Variants in LSAMP observed in about 807,000 individuals in gnomAD.
LSAMP encodes limbic system associated membrane protein.
LSAMP carries 7 observed loss-of-function variants against 38.6 expected under a neutral mutation model. The ratio of observed to expected loss-of-function variants is 0.18; its 90% confidence interval spans 0.10 to 0.34. LSAMP has a LOEUF of 0.34. LSAMP is among the 10% of genes least tolerant of loss of function. The pLI, the probability that LSAMP is intolerant of heterozygous loss-of-function variation, is 1.00. For missense variants in LSAMP, 313 were observed against 420.0 expected (o/e 0.75, Z 2.23); for synonymous variants, 154 against 166.8 (o/e 0.92, Z 0.59).
At chr3:115,961,431 A>G (rs1938622329) in intron 3 of LSAMP, among the ~76,000 whole-genome samples, 1 of 152,204 alleles carries the variant, frequency 6.6e-6, no homozygotes, top group Non-Finnish European at 1.5e-5. Context: ...AGCAAGAAGC[A>G]CGAAGAAAAG....
At chr3:116,112,815 C>G (rs924709941) in intron 1 of LSAMP, among the ~76,000 whole-genome samples, 1 of 152,194 alleles carries the variant, frequency 6.6e-6, no homozygotes, top group African/African-American at 2.4e-5. Context: ...CTACCCTACC[C>G]AACAATACTG....
chr3:116,252,555 C>T (rs962101797), intron 1 of LSAMP, among the ~76,000 whole-genome samples: 2 of 152,162 alleles, frequency 1.3e-5, no homozygotes, highest in Middle Eastern at 3.4e-3. Flanking sequence ...ACACTATCAG[C>T]GTGATGATGG....
At chr3:116,437,788 A>T (rs554791384) in intron 1 of LSAMP, among the ~76,000 whole-genome samples, 1 of 152,332 alleles carries the variant, frequency 6.6e-6, no homozygotes, top group South Asian at 2.1e-4. Context: ...CAAAAAGGTA[A>T]TCTCAGTGGT....
intron 1 of LSAMP, among the ~76,000 whole-genome samples, chr3:116,276,826 C>T (rs2047060802): frequency 6.6e-6 from 1 of 152,114 alleles, no homozygotes; most frequent in South Asian, 2.1e-4. Flanking sequence ...TTGAGAGCAT[C>T]CTAGACAACC....
intron 6 of LSAMP, among the ~76,000 whole-genome samples, chr3:115,819,330 G>T (rs2107462427): frequency 6.6e-6 from 1 of 152,022 alleles, no homozygotes; most frequent in East Asian, 1.9e-4. Flanking sequence ...AGCTACTTGG[G>T]AGGCGGAGGC....
intron 1 of LSAMP, among the ~76,000 whole-genome samples, chr3:116,404,484 A>G (rs1016266398): frequency 1.1e-4 from 17 of 152,174 alleles, no homozygotes; most frequent in Non-Finnish European, 2.5e-4. Context: ...GAAGACATTC[A>G]AGAAATTAAC....
At chr3:116,086,069 G>C (rs562964133) in intron 2 of LSAMP, among the ~76,000 whole-genome samples, 1 of 152,242 alleles carries the variant, frequency 6.6e-6, no homozygotes, top group South Asian at 2.1e-4. Context: ...GGCTTTTGCC[G>C]TGTGTTTTCA....
intron 1 of LSAMP, among the ~76,000 whole-genome samples, chr3:116,099,199 GC>G (rs1708291046): frequency 1.3e-5 from 2 of 152,186 alleles, no homozygotes; most frequent in South Asian, 4.1e-4. Flanking sequence ...TCTACGAAGA[GC>G]CCTATGATTC....
intron 6 of LSAMP, among the ~76,000 whole-genome samples, chr3:115,815,028 G>C (rs1475786003): frequency 6.6e-6 from 1 of 152,152 alleles, no homozygotes; most frequent in Non-Finnish European, 1.5e-5. Context: ...GGGGATTAAA[G>C]CTCAGGCTGG....
intron 1 of LSAMP, among the ~76,000 whole-genome samples, chr3:116,130,429 C>T (rs898178001): frequency 6.6e-6 from 1 of 152,134 alleles, no homozygotes; most frequent in Non-Finnish European, 1.5e-5. Context: ...GTGGCTTGTC[C>T]TTTTGAACAT....
intron 3 of LSAMP, among the ~76,000 whole-genome samples, chr3:115,988,462 T>A (rs1447968112): frequency 6.6e-6 from 1 of 151,994 alleles, no homozygotes; most frequent in Non-Finnish European, 1.5e-5. Flanking sequence ...TTTGTTTGTT[T>A]GTCTGTTTGT....
At chr3:116,204,551 T>G (rs573872695) in intron 1 of LSAMP, among the ~76,000 whole-genome samples, 3,192 of 151,116 alleles carry the variant, frequency 0.021, 121 homozygotes, top group African/African-American at 0.072. Context: ...CATTTAAGTC[T>G]TTAATCCATC....
intron 1 of LSAMP, among the ~76,000 whole-genome samples, chr3:116,441,189 A>C (rs2049429767): frequency 6.6e-6 from 1 of 152,238 alleles, no homozygotes. Flanking sequence ...ACTGGGAACA[A>C]TGTTATTATC....
intron 1 of LSAMP, among the ~76,000 whole-genome samples, chr3:116,374,491 A>C (rs570744218): frequency 6.6e-6 from 1 of 152,022 alleles, no homozygotes; most frequent in East Asian, 1.9e-4. Flanking sequence ...TAATGAATTG[A>C]GATACTAAAA....
intron 1 of LSAMP, among the ~76,000 whole-genome samples, chr3:116,407,609 T>C (rs1174091450): frequency 6.6e-6 from 1 of 152,070 alleles, no homozygotes; most frequent in Non-Finnish European, 1.5e-5. Context: ...GAAGCAACCT[T>C]GGGGTTGTTC....
chr3:115,937,473 T>C (rs1937742553), intron 3 of LSAMP, among the ~76,000 whole-genome samples: 1 of 151,522 alleles, frequency 6.6e-6, no homozygotes, highest in Non-Finnish European at 1.5e-5. Context: ...ACACTCTATC[T>C]TTATAAAAAA....
chr3:115,941,543 G>A (rs1486560267), intron 3 of LSAMP, among the ~76,000 whole-genome samples: 1 of 151,822 alleles, frequency 6.6e-6, no homozygotes, highest in African/African-American at 2.4e-5. Flanking sequence ...ACAGATAAAT[G>A]TATTTAAAAA....
At chr3:115,947,390 C>T (rs1386443257) in intron 3 of LSAMP, among the ~76,000 whole-genome samples, 1 of 152,092 alleles carries the variant, frequency 6.6e-6, no homozygotes, top group Non-Finnish European at 1.5e-5. Context: ...TGTGCATGAA[C>T]ATATACAGAA....
At chr3:116,238,362 T>C (rs1380784083) in intron 1 of LSAMP, among the ~76,000 whole-genome samples, 1 of 152,240 alleles carries the variant, frequency 6.6e-6, no homozygotes, top group African/African-American at 2.4e-5. Flanking sequence ...GTTGAGATTC[T>C]AGAACAGGAG....
Sources: gnomAD v4.1 joint callset for allele counts (sites outside exome capture counted in the v4.1 genomes callset) on GRCh38, gnomAD v4.1.1 for gene constraint, MANE v1.5 for transcripts, NCBI Gene and HGNC (gene_info 2026-07-23, HGNC 2026-07-21) for gene names.